Variants in SAP30BP observed in about 807,000 individuals in gnomAD.
The protein encoded by SAP30BP is SAP30-binding protein.
SAP30BP carries 31 observed loss-of-function variants against 46.3 expected under a neutral mutation model. That is an observed-to-expected ratio of 0.67 (90% CI 0.50 to 0.90). SAP30BP has a LOEUF of 0.90. Ranked by LOEUF, SAP30BP falls within the 40% of genes least tolerant of loss-of-function variation. SAP30BP has a pLI of 0.00. For missense variants in SAP30BP, 312 were observed against 391.0 expected (o/e 0.80, Z 1.70); for synonymous variants, 169 against 144.2 (o/e 1.17, Z -1.23).
rs146566382 is a variant in SAP30BP at position 75,706,530 on chromosome 17, G to A, written c.*9G>A. 9.4e-4 allele frequency: 1,514 copies of A among 1,613,318 alleles called. 5 individuals are homozygous for A. The Middle Eastern group carries it at 0.024, about 25-fold the overall frequency. ...AGAAGGCCAAGCAGTGACCTGAGGG[G>A]CCACCCTAGGACTTGAAAGGACCGT... is the stretch of plus-strand genomic sequence containing the variant. On this transcript the variant is annotated 3_prime_UTR_variant, in exon 11 of 11. Coordinates refer to ENST00000584667, the MANE Select transcript of SAP30BP (RefSeq NM_013260.8). This position sits in a 1 kb window ranked among gnomAD's most constrained non-coding sequence, Gnocchi z 4.6.
rs1231789053 is a variant in SAP30BP, at chr17:75,705,984, A to T, written c.661-24A>T. 1.2e-5 allele frequency: 19 copies of T among 1,611,046 alleles called. No individual in the cohort carries two copies. In the East Asian group the frequency reaches 4.2e-4, roughly 36 times the overall value. ...TGGACACCCAGCTTTGCCTGGTCTT[A>T]TTCTCTTCCCTCTCCCTCTCCAGAT... On this transcript the variant is annotated intron_variant, in intron 9 of 10. Coordinates refer to ENST00000584667, the MANE Select transcript of SAP30BP (RefSeq NM_013260.8).
At chr17:75,699,726 A>G (rs2060378311) in intron 4 of SAP30BP, 57 bp from the exon 5 acceptor site, 1 of 1,173,966 alleles carries the variant, frequency 8.5e-7, no homozygotes, top group Admixed American at 1.8e-5. Flanking sequence ...TTTTTTGTCC[A>G]TGTCTGTCCC....
chr17:75,697,212 AGATAGGTTCTCTCCAGCCC>A (rs1299462858), intron 4 of SAP30BP, among the ~76,000 whole-genome samples: 2 of 152,196 alleles, frequency 1.3e-5, no homozygotes, highest in Non-Finnish European at 2.9e-5. Context: ...TCACAAGCAC[AGATAGGTTCTCTCCAGCCC>A]AGGGAAGAAG....
intron 3 of SAP30BP, among the ~76,000 whole-genome samples, chr17:75,682,540 T>A (rs1394701510): frequency 6.6e-6 from 1 of 152,210 alleles, no homozygotes; most frequent in African/African-American, 2.4e-5. Context: ...TATGTTTGCC[T>A]ATAATAACAT....
chr17:75,674,700 T>TTG (rs1555718038), intron 3 of SAP30BP, among the ~76,000 whole-genome samples: 1 of 47,944 alleles, frequency 2.1e-5, no homozygotes, highest in Admixed American at 2.3e-4. Flanking sequence ...GTTTTTTGTT[T>TTG]TTTTTTTTTT....
At chr17:75,673,003 A>G (rs961759506) in intron 3 of SAP30BP, among the ~76,000 whole-genome samples, 1 of 152,092 alleles carries the variant, frequency 6.6e-6, no homozygotes. Flanking sequence ...AACCAGCTGT[A>G]ACTTTCAAGA....
rs1895501002 is a variant in SAP30BP, at chr17:75,677,347, C to A, written c.264+5484C>A. Among the ~76,000 whole-genome samples the A allele has an allele frequency of 2.6e-5, 4 of 151,914 alleles. No individual in the cohort carries two copies. The South Asian group carries it at 8.3e-4, about 32-fold the overall frequency. ...CTCGAACTCCTGACCTTGTGATCTG[C>A]CCGCCTCAGCCTCCCAAAGTGCTGG... On this transcript the variant is annotated intron_variant, in intron 3 of 10. Transcript: ENST00000584667.
intron 3 of SAP30BP, chr17:75,691,362 G>A (rs1233719911): frequency 4.5e-6 from 2 of 449,082 alleles, no homozygotes; most frequent in African/African-American, 2.0e-5. Context: ...AATACTTCCT[G>A]TGATTTTGCC....
rs1321196709 is a variant in SAP30BP, at chr17:75,706,523, C to T, written c.*2C>T. 1 of 1,613,624 alleles carries T rather than the reference C, an allele frequency of 6.2e-7. No individual in the cohort carries two copies. The highest frequency in any genetic ancestry group is 1.3e-5 in the African/African-American group (1 of 74,918). On this transcript the variant is annotated 3_prime_UTR_variant, in exon 11 of 11. Coordinates refer to ENST00000584667, the MANE Select transcript of SAP30BP (RefSeq NM_013260.8). This position sits in a 1 kb window ranked among gnomAD's most constrained non-coding sequence, Gnocchi z 4.6. ...ATTGTGAAGAAGGCCAAGCAGTGAC[C>T]TGAGGGGCCACCCTAGGACTTGAAA...
intron 3 of SAP30BP, chr17:75,679,367 C>T (rs2060042003): frequency 6.6e-6 from 1 of 152,134 alleles, no homozygotes; most frequent in South Asian, 2.1e-4. Flanking sequence ...GATTAAACTC[C>T]AGGGAGTTCC....
intron 3 of SAP30BP, 39 bp downstream of exon 3, chr17:75,671,902 C>T (rs368863909): frequency 1.9e-6 from 3 of 1,561,324 alleles, no homozygotes; most frequent in Non-Finnish European, 8.8e-7. Flanking sequence ...TGGATGCAAA[C>T]AAGGTGTTTG....
At chr17:75,679,648 A>G (rs985656845) in intron 3 of SAP30BP, 3 of 152,236 alleles carry the variant, frequency 2.0e-5, no homozygotes, top group African/African-American at 7.2e-5. Context: ...AGTTTGCCCC[A>G]AACTAGCGAA....
chr17:75,703,958 A>C (rs1470065145), intron 8 of SAP30BP, 99 bp downstream of exon 8: 7 of 913,550 alleles, frequency 7.7e-6, no homozygotes, highest in Non-Finnish European at 1.3e-5. Context: ...TTCAGGGTCT[A>C]CTCTATGTCA....
chr17:75,687,022 C>T (rs1374618327), intron 3 of SAP30BP, among the ~76,000 whole-genome samples: 1 of 152,192 alleles, frequency 6.6e-6, no homozygotes, highest in Non-Finnish European at 1.5e-5. Flanking sequence ...TTTGATGCCT[C>T]CACAAGAGGG....
In SAP30BP at chr17:75,706,559, G is replaced by T; in HGVS notation, c.*38G>T. ...CCCTAGGACTTGAAAGGACCGTGCA[G>T]CCCAGTGACCACTGCCCAGTGGGAG... On this transcript the variant is annotated 3_prime_UTR_variant, in exon 11 of 11. Coordinates refer to ENST00000584667, the MANE Select transcript of SAP30BP (RefSeq NM_013260.8). The surrounding 1 kb of genome is among the most constrained non-coding windows in gnomAD (Gnocchi z 4.6). 6.3e-7 allele frequency: 1 copy of T among 1,593,184 alleles called. No individual in the cohort carries two copies. Among genetic ancestry groups the T allele is most frequent in the Non-Finnish European group, 8.6e-7 (1 of 1,163,386 alleles).
At chr17:75,671,065 T>C (rs1172526937) in intron 2 of SAP30BP, among the ~76,000 whole-genome samples, 2 of 152,198 alleles carry the variant, frequency 1.3e-5, no homozygotes, top group Non-Finnish European at 2.9e-5. Context: ...AATGGCGGGC[T>C]CGCTTTGGAG....
At chr17:75,673,499 C>T (rs1008749536) in intron 3 of SAP30BP, among the ~76,000 whole-genome samples, 14 of 152,106 alleles carry the variant, frequency 9.2e-5, no homozygotes, top group Non-Finnish European at 7.4e-5. Context: ...GTTTGGGTTT[C>T]AGTTGTGGAG....
intron 4 of SAP30BP, among the ~76,000 whole-genome samples, chr17:75,696,726 T>C (rs1457224492): frequency 6.6e-6 from 1 of 151,108 alleles, no homozygotes; most frequent in Non-Finnish European, 1.5e-5. Flanking sequence ...CTAGGAATTA[T>C]CTTGTTTCAA....
At position 75,668,523 on chromosome 17, in the gene SAP30BP, A is replaced by G; in HGVS notation, c.114A>G (p.Lys38=). Residue 38 remains lysine, a synonymous_variant, in exon 2 of 11, where the codon AAA becomes AAG. Transcript: ENST00000584667. ...TGTTTTTTAACCTTTCAGAGGAGAA[A>G]GGCGGATTGGTATCTGATGCCTATG... The part of the protein sequence containing the change: ...IEAVGSAAEE[K]GGLVSDAYGE... 1 of 1,557,570 alleles carries G rather than the reference A, an allele frequency of 6.4e-7. No individual in the cohort carries two copies. The highest frequency in any genetic ancestry group is 8.7e-7 in the Non-Finnish European group (1 of 1,154,904).
Sources: allele counts gnomAD v4.1 joint callset (sites outside exome capture counted in the v4.1 genomes callset), GRCh38; gene constraint gnomAD v4.1.1; non-coding constraint Gnocchi (gnomAD v3.1); transcripts MANE v1.5; gene names NCBI Gene and HGNC (gene_info 2026-07-23, HGNC 2026-07-21).